Variants in GRIK2 observed in about 807,000 individuals in gnomAD.
GRIK2 encodes glutamate receptor ionotropic, kainate 2.
GRIK2 carries 32 observed loss-of-function variants against 100.3 expected under a neutral mutation model. The ratio of observed to expected loss-of-function variants is 0.32; its 90% CI spans 0.24 to 0.43. The LOEUF (loss-of-function observed/expected upper bound fraction) is 0.43. GRIK2 is among the 20% of genes least tolerant of loss of function. GRIK2 has a pLI of 1.00. For missense variants in GRIK2, 843 were observed against 1,114.9 expected (o/e 0.76, Z 3.47); for synonymous variants, 417 against 389.4 (o/e 1.07, Z -0.83).
At chr6:101,442,573 T>C (rs1770134896) in intron 2 of GRIK2, among the ~76,000 whole-genome samples, 1 of 152,030 alleles carries the variant, frequency 6.6e-6, no homozygotes, top group Non-Finnish European at 1.5e-5. Context: ...TGACATAGGG[T>C]TTAGAAGGAA....
At chr6:101,787,455 T>A (rs1779508215) in intron 7 of GRIK2, among the ~76,000 whole-genome samples, 1 of 152,122 alleles carries the variant, frequency 6.6e-6, no homozygotes, top group South Asian at 2.1e-4. Flanking sequence ...ACTTCCCTCT[T>A]AACACTGCTT....
Position 101,596,206 on chromosome 6 carries a change from C to CTT in GRIK2, c.116-25733_116-25732dup, listed in dbSNP as rs5878678. On this transcript the variant is annotated intron_variant, in intron 2 of 16. Transcript: ENST00000369134. ...TTGCAGAATTGTTTTTAAACTAATC[C>CTT]TTTTTTTTTTTCTTGCTGTGTCCTT... Among the ~76,000 whole-genome samples, 4 of 140,434 alleles carry CTT rather than the reference C, an allele frequency of 2.8e-5. No homozygotes were observed. In the South Asian group the frequency reaches 6.7e-4, roughly 24 times the overall value. 92.1% of individuals were successfully genotyped at this position (140,434 alleles called of 152,430 possible). A position where few individuals can be genotyped will look rare whatever the true frequency, so the allele number is the denominator to read the frequency against.
intron 2 of GRIK2, among the ~76,000 whole-genome samples, chr6:101,611,230 T>G (rs557081135): frequency 6.6e-6 from 1 of 151,976 alleles, no homozygotes; most frequent in South Asian, 2.1e-4. Flanking sequence ...AACCAATCTT[T>G]GTCAAGGGGC....
At chr6:101,534,017 T>A (rs558067416) in intron 2 of GRIK2, among the ~76,000 whole-genome samples, 1 of 152,062 alleles carries the variant, frequency 6.6e-6, no homozygotes, top group African/African-American at 2.4e-5. Context: ...AAATACAGAT[T>A]TGAGAAGCAA....
chr6:101,635,097 C>T (rs1220756310), intron 4 of GRIK2, among the ~76,000 whole-genome samples: 1 of 151,524 alleles, frequency 6.6e-6, no homozygotes, highest in Non-Finnish European at 1.5e-5. Context: ...CAAATAATTT[C>T]CATTTTATTT....
chr6:102,043,611 G>A (rs1770717389), intron 15 of GRIK2, among the ~76,000 whole-genome samples: 1 of 151,820 alleles, frequency 6.6e-6, no homozygotes, highest in African/African-American at 2.4e-5. Flanking sequence ...GGGCTGAATA[G>A]TATTCCATTG....
intron 2 of GRIK2, among the ~76,000 whole-genome samples, chr6:101,504,424 T>G (rs1033447524): frequency 3.3e-5 from 5 of 152,008 alleles, no homozygotes; most frequent in African/African-American, 9.7e-5. Flanking sequence ...TTTAACACCA[T>G]AGGATTTTTT....
chr6:101,609,787 A>G (rs1475874546), intron 2 of GRIK2, among the ~76,000 whole-genome samples: 1 of 151,796 alleles, frequency 6.6e-6, no homozygotes, highest in African/African-American at 2.4e-5. Flanking sequence ...ATGTATGGTA[A>G]TAGAAGGTTA....
At chr6:101,659,397 T>G (rs531749002) in intron 4 of GRIK2, among the ~76,000 whole-genome samples, 35 of 152,352 alleles carry the variant, frequency 2.3e-4, no homozygotes, top group African/African-American at 8.2e-4. Flanking sequence ...AGTACCGTGC[T>G]CTTTTGGTTA....
chr6:102,013,963 C>T (rs996103609), intron 14 of GRIK2, among the ~76,000 whole-genome samples: 6 of 151,886 alleles, frequency 4.0e-5, no homozygotes, highest in South Asian at 4.2e-4. Flanking sequence ...TAGGGAGGAG[C>T]GCTTCCTCCT....
At chr6:101,696,888 T>A (rs1442748219) in intron 7 of GRIK2, among the ~76,000 whole-genome samples, 1 of 152,002 alleles carries the variant, frequency 6.6e-6, no homozygotes, top group East Asian at 1.9e-4. Context: ...AGCCAGATTT[T>A]TTGCTTCATT....
chr6:101,398,334 T>C (rs909489602), intron 1 of GRIK2, among the ~76,000 whole-genome samples: 5 of 152,366 alleles, frequency 3.3e-5, no homozygotes, highest in Admixed American at 3.3e-4. Context: ...CATTTTAATT[T>C]GAGATTTCTC....
At chr6:101,834,793 G>A (rs1221071037) in intron 10 of GRIK2, among the ~76,000 whole-genome samples, 1 of 151,892 alleles carries the variant, frequency 6.6e-6, no homozygotes, top group African/African-American at 2.4e-5. Context: ...GACACCTGAA[G>A]TTCAAGAGCA....
At chr6:101,873,221 A>C in intron 11 of GRIK2, among the ~76,000 whole-genome samples, 1 of 146,660 alleles carries the variant, frequency 6.8e-6, no homozygotes, top group African/African-American at 2.5e-5. Flanking sequence ...CATTAGGTAT[A>C]TCTCCTAATG....
At chr6:101,409,546 T>C (rs961931176) in intron 2 of GRIK2, among the ~76,000 whole-genome samples, 8 of 152,102 alleles carry the variant, frequency 5.3e-5, no homozygotes, top group African/African-American at 1.9e-4. Context: ...AGTAATATTT[T>C]CTGATTCTAC....
At chr6:101,475,042 A>G (rs1307673491) in intron 2 of GRIK2, among the ~76,000 whole-genome samples, 1 of 151,890 alleles carries the variant, frequency 6.6e-6, no homozygotes, top group African/African-American at 2.4e-5. Context: ...AGATAACCAG[A>G]AGGTGTAACT....
chr6:101,486,285 G>A (rs1031039230), intron 2 of GRIK2, among the ~76,000 whole-genome samples: 2 of 148,924 alleles, frequency 1.3e-5, no homozygotes, highest in African/African-American at 2.5e-5. Flanking sequence ...TGAATCAGTA[G>A]TAACCGAGCA....
At chr6:101,920,373 G>C (rs976047607) in intron 12 of GRIK2, among the ~76,000 whole-genome samples, 1 of 151,920 alleles carries the variant, frequency 6.6e-6, no homozygotes, top group African/African-American at 2.4e-5. Flanking sequence ...CCTAAAATGA[G>C]GAAGATTCCA....
At chr6:101,801,007 C>T (rs998647758) in intron 8 of GRIK2, among the ~76,000 whole-genome samples, 1 of 152,078 alleles carries the variant, frequency 6.6e-6, no homozygotes, top group African/African-American at 2.4e-5. Flanking sequence ...CCAGGAAAAG[C>T]TCTTTCTCCT....
Sources: allele counts gnomAD v4.1 joint callset (sites outside exome capture counted in the v4.1 genomes callset), GRCh38; gene constraint gnomAD v4.1.1; transcripts MANE v1.5; gene names NCBI Gene and HGNC (gene_info 2026-07-23, HGNC 2026-07-21).